The following CCDC178 variants were observed in gnomAD, a reference collection of about 807,000 sequenced individuals.
The protein encoded by CCDC178 is coiled-coil domain containing 178.
A neutral mutation model predicts 117.4 loss-of-function variants in CCDC178; 126 were observed. The observed-to-expected ratio is 1.07, with a 90% CI of 0.93 to 1.24. The LOEUF is 1.24. Among genes scored for constraint, CCDC178 ranks in the 50% most tolerant of loss-of-function variants. The pLI, the probability that CCDC178 is intolerant of heterozygous loss-of-function variation, is 0.00. For missense variants in CCDC178, 1,030 were observed against 986.9 expected (o/e 1.04, Z -0.59); for synonymous variants, 283 against 313.4 (o/e 0.90, Z 1.02).
At chr18:33,103,410 C>T (rs2057659577) in intron 20 of CCDC178, among the ~76,000 whole-genome samples, 2 of 151,554 alleles carry the variant, frequency 1.3e-5, no homozygotes, top group Admixed American at 1.3e-4. Flanking sequence ...CAAACCATAT[C>T]ACGTGCTTAA....
At chr18:33,071,415 T>A (rs989016979) in intron 21 of CCDC178, among the ~76,000 whole-genome samples, 51 of 152,286 alleles carry the variant, frequency 3.3e-4, no homozygotes, top group African/African-American at 1.2e-3. Context: ...AGAGGTTAAA[T>A]AATCTGATGT....
chr18:33,249,989 T>C (rs2059600077), intron 14 of CCDC178, among the ~76,000 whole-genome samples: 1 of 152,018 alleles, frequency 6.6e-6, no homozygotes, highest in Non-Finnish European at 1.5e-5. Context: ...TTCACATCCC[T>C]TGTAAGTTGG....
rs770363598 is a variant in CCDC178, at chr18:33,397,160, C to T, written c.107G>A (p.Arg36Lys). 82 of 1,603,138 alleles carry T rather than the reference C, an allele frequency of 5.1e-5. No individual in the cohort carries two copies. The South Asian group carries it at 8.9e-4, about 17-fold the overall frequency. ...VKALREKAWS[R>K]TNEGNAMSQS... ...TAGCTGTTGGATACCTTCATTTGTC[C>T]TTGACCATGCCTTCTCTCTGAGAGC... is the stretch of plus-strand genomic sequence containing the variant. The change falls in exon 4 of 23, where the codon AGG becomes AAG. Residue 36 changes from arginine to lysine, a missense_variant. By Grantham distance (26) the Arg-to-Lys change is conservative. Coordinates refer to ENST00000383096, the MANE Select transcript of CCDC178 (RefSeq NM_001105528.4).
At chr18:33,118,907 T>C (rs2057896512) in intron 20 of CCDC178, among the ~76,000 whole-genome samples, 3 of 152,144 alleles carry the variant, frequency 2.0e-5, no homozygotes, top group Admixed American at 6.6e-5. Context: ...ATCTGATCTT[T>C]GACAAACCTG....
intron 20 of CCDC178, among the ~76,000 whole-genome samples, chr18:33,107,080 A>T (rs976973169): frequency 1.3e-5 from 2 of 151,692 alleles, no homozygotes; most frequent in African/African-American, 4.8e-5. Flanking sequence ...CAACAACTTG[A>T]CTTAACCCAT....
chr18:33,141,277 A>C (rs1317454637), intron 20 of CCDC178, among the ~76,000 whole-genome samples: 2 of 152,198 alleles, frequency 1.3e-5, no homozygotes, highest in Non-Finnish European at 2.9e-5. Context: ...TCTTTGGGGC[A>C]GGTGATAGAG....
intron 20 of CCDC178, among the ~76,000 whole-genome samples, chr18:33,178,701 C>T (rs2058692599): frequency 6.6e-6 from 1 of 152,010 alleles, no homozygotes; most frequent in African/African-American, 2.4e-5. Flanking sequence ...GCACTGTTAT[C>T]TTTGTCAATA....
intron 15 of CCDC178, among the ~76,000 whole-genome samples, chr18:33,227,556 GTA>G (rs145380258): frequency 0.7 from 76,596 of 109,212 alleles, 27,246 homozygotes; most frequent in South Asian, 0.79. Context: ...GTGTGTGTGT[GTA>G]TATATATATA....
intron 21 of CCDC178, among the ~76,000 whole-genome samples, chr18:32,981,745 A>G (rs1237932079): frequency 6.6e-6 from 1 of 152,186 alleles, no homozygotes; most frequent in African/African-American, 2.4e-5. Context: ...TACCTATAAT[A>G]AACAAAATAT....
intron 22 of CCDC178, among the ~76,000 whole-genome samples, chr18:32,966,962 T>G (rs1212590635): frequency 6.6e-6 from 1 of 151,836 alleles, no homozygotes; most frequent in Non-Finnish European, 1.5e-5. Flanking sequence ...TTCTAAAGTT[T>G]TTTTTGTTGA....
At chr18:33,387,418 A>C (rs1423905388) in intron 5 of CCDC178, among the ~76,000 whole-genome samples, 1 of 152,136 alleles carries the variant, frequency 6.6e-6, no homozygotes, top group Admixed American at 6.5e-5. Context: ...TAAGCAAAAA[A>C]TAAAACAAAC....
At chr18:33,315,117 T>G (rs2144969994) in intron 11 of CCDC178, among the ~76,000 whole-genome samples, 1 of 152,208 alleles carries the variant, frequency 6.6e-6, no homozygotes, top group Admixed American at 6.5e-5. Flanking sequence ...TACCATGAGT[T>G]TACCCTCTGC....
chr18:33,070,581 T>A (rs1280804535), intron 21 of CCDC178, among the ~76,000 whole-genome samples: 5 of 152,054 alleles, frequency 3.3e-5, no homozygotes, highest in Non-Finnish European at 7.4e-5. Context: ...CTAGAAGGAC[T>A]AGGTCCTATA....
chr18:33,050,744 T>C (rs1421380334), intron 21 of CCDC178, among the ~76,000 whole-genome samples: 3 of 152,334 alleles, frequency 2.0e-5, no homozygotes, highest in South Asian at 2.1e-4. Context: ...AATATCTTCA[T>C]TGGTGTAAGA....
chr18:33,348,356 T>TA (rs2062924600), intron 8 of CCDC178, among the ~76,000 whole-genome samples: 5 of 151,926 alleles, frequency 3.3e-5, no homozygotes, highest in Admixed American at 2.0e-4. Context: ...TACCTGTATA[T>TA]AAAATATATA....
rs575712508 is a variant in CCDC178, at chr18:33,154,754, A to G, written c.2238+57142T>C. On this transcript the variant is annotated intron_variant, in intron 20 of 22. Transcript: ENST00000383096. ...GTGTAAAGAATTCAATGTGTTTCTA[A>G]AATATCAGACAAAACTTGCATTAAG... 2.0e-5 allele frequency among the ~76,000 whole-genome samples: 3 copies of G among 152,286 alleles called. No homozygotes were observed. The East Asian group carries it at 5.8e-4, about 29-fold the overall frequency.
chr18:33,191,268 C>T (rs1050033144), intron 20 of CCDC178, among the ~76,000 whole-genome samples: 1 of 152,070 alleles, frequency 6.6e-6, no homozygotes, highest in African/African-American at 2.4e-5. Flanking sequence ...CTCTCCAATA[C>T]ATAGTGAGTT....
chr18:33,052,597 A>G (rs1236300482), intron 21 of CCDC178, among the ~76,000 whole-genome samples: 3 of 152,196 alleles, frequency 2.0e-5, no homozygotes, highest in Non-Finnish European at 2.9e-5. Context: ...AAGAGGAAAC[A>G]AAAACCTAGA....
At chr18:33,343,609 C>T (rs1337763180) in intron 9 of CCDC178, among the ~76,000 whole-genome samples, 1 of 152,034 alleles carries the variant, frequency 6.6e-6, no homozygotes, top group Admixed American at 6.6e-5. Context: ...AGACAGAATG[C>T]AAACAAAATC....
Sources: allele counts gnomAD v4.1 joint callset (sites outside exome capture counted in the v4.1 genomes callset), GRCh38; gene constraint gnomAD v4.1.1; transcripts MANE v1.5; gene names NCBI Gene and HGNC (gene_info 2026-07-23, HGNC 2026-07-21).